The following MYRF variants were observed in gnomAD, a reference collection of about 807,000 sequenced individuals.
The protein encoded by MYRF is myelin regulatory factor.
In MYRF, 16 loss-of-function variants were observed where a neutral mutation model predicts 126.3. The observed-to-expected ratio is 0.13, with a 90% CI of 0.09 to 0.19. The LOEUF (loss-of-function observed/expected upper bound fraction) is 0.19, where lower values mean the gene tolerates loss of function less well. Among genes scored for constraint, MYRF ranks in the 10% least tolerant of loss-of-function variants. MYRF has a pLI of 1.00. For missense variants in MYRF, 1,104 were observed against 1,547.0 expected (o/e 0.71, Z 4.80); for synonymous variants, 608 against 635.3 (o/e 0.96, Z 0.65).
intron 1 of MYRF, chr11:61,753,974 C>A (rs520987): frequency 0.49 from 74,891 of 152,446 alleles, 18,734 homozygotes; most frequent in East Asian, 0.52. Flanking sequence ...ATGCAGCGAG[C>A]CCAGCCCCTG....
intron 1 of MYRF, chr11:61,755,767 A>G: frequency 1.7e-6 from 1 of 580,880 alleles, no homozygotes; most frequent in Admixed American, 2.2e-5. Flanking sequence ...CCTAGATTCT[A>G]GGGGCACATG....
At position 61,780,260 on chromosome 11, in the gene MYRF, G is replaced by A. The variant is rs754444143; in HGVS notation, c.2375G>A (p.Arg792His). The A allele has an allele frequency of 3.0e-5, 48 of 1,613,812 alleles. No homozygotes were observed. The Admixed American group carries it at 4.8e-4, about 16-fold the overall frequency. Residue 792 changes from arginine to histidine, a missense_variant, in exon 18 of 27, where the codon CGC (arginine) becomes CAC (histidine). Arg to His is a conservative substitution (Grantham distance 29, BLOSUM62 0). This residue lies in a region of MYRF where 323 missense variants were observed against 383.1 expected (regional missense o/e 0.84). Transcript: ENST00000278836. ...TCCACACTGTACGTGCTGAGCCTGC[G>A]CACAGAGGAGGACCTGGTAGACACT... is the stretch of plus-strand genomic sequence containing the variant. Reference protein sequence around the residue: ...SMSTLYVLSLRTEEDLVDTDG... With the variant: ...SMSTLYVLSLHTEEDLVDTDG...
Position 61,779,505 on chromosome 11 carries a change from G to T in MYRF, c.2182G>T (p.Gly728Trp). Residue 728 changes from glycine to tryptophan, a missense_variant, in exon 16 of 27, where the codon GGG (glycine) becomes TGG (tryptophan). Coordinates refer to ENST00000278836, the MANE Select transcript of MYRF (RefSeq NM_001127392.3). The part of the protein sequence containing the change: ...TGSSGAFSHA[G>W]SQFSRAGSVP... ...CTGGCCCTCTTGCTGCAGCCATGCA[G>T]GGAGCCAGTTCAGTCGGGCGGGCAG... 6.5e-7 allele frequency: 1 copy of T among 1,529,010 alleles called. No homozygotes were observed. The highest frequency in any genetic ancestry group is 2.3e-5 in the East Asian group (1 of 42,640). 94.7% of individuals were successfully genotyped at this position (1,529,010 alleles called of 1,614,324 possible).
chr11:61,756,653 A>G (rs1772598536), intron 1 of MYRF, among the ~76,000 whole-genome samples: 1 of 124,294 alleles, frequency 8.0e-6, no homozygotes, highest in African/African-American at 3.1e-5. Flanking sequence ...CTCCGGGTCA[A>G]TGGTGACAAC....
intron 25 of MYRF, chr11:61,785,573 G>A (rs2135907339): frequency 3.5e-6 from 2 of 576,954 alleles, no homozygotes; most frequent in Non-Finnish European, 6.3e-6. Context: ...CAGGGGCCAG[G>A]TGGAGGTGGC....
At position 61,771,541 on chromosome 11, in the gene MYRF, C is replaced by G. The variant is rs754453884; in HGVS notation, c.782C>G (p.Ser261Cys). ...TCCAAGAAGAGGAAGCACTCTGAAT[C>G]CCCCCCCAGCACCCTCAATGCCCAG... ...HPSKKRKHSESPPSTLNAQML... is the reference protein window; with the variant it reads ...HPSKKRKHSECPPSTLNAQML... Residue 261 changes from serine (S) to cysteine (C), a missense_variant, in exon 6 of 27, where the codon TCC (serine) becomes TGC (cysteine). By Grantham distance (112) the Ser-to-Cys change is moderately radical. Coordinates refer to ENST00000278836, the MANE Select transcript of MYRF (RefSeq NM_001127392.3). 7 of 1,611,860 alleles carry G rather than the reference C, an allele frequency of 4.3e-6. No individual in the cohort carries two copies. Among genetic ancestry groups the G allele is most frequent in the Non-Finnish European group, 5.9e-6 (7 of 1,178,732 alleles).
chr11:61,768,880 C>A (rs757436082), intron 3 of MYRF: 3 of 195,082 alleles, frequency 1.5e-5, no homozygotes, highest in Admixed American at 6.1e-5. Context: ...CCCTGAGGCC[C>A]AGCCCCCTAG....
At chr11:61,764,696 C>T (rs1294129260) in intron 1 of MYRF, among the ~76,000 whole-genome samples, 2 of 152,200 alleles carry the variant, frequency 1.3e-5, no homozygotes. Flanking sequence ...CTGGCTCCCC[C>T]TGCAAGGTGA....
chr11:61,753,593 C>T (rs935610383), intron 1 of MYRF, among the ~76,000 whole-genome samples: 1 of 151,546 alleles, frequency 6.6e-6, no homozygotes. Flanking sequence ...AGCACTATGT[C>T]CCCCCAACCC....
At chr11:61,784,065 G>A (rs2066625455) in intron 24 of MYRF, 140 bp downstream of exon 24, 1 of 1,127,538 alleles carries the variant, frequency 8.9e-7, no homozygotes, top group Non-Finnish European at 1.3e-6. Context: ...TGACTTCATT[G>A]CCTACTTCGT....
rs1281289209 is a variant in MYRF, at chr11:61,776,581, G to A, written c.1499+149G>A. On this transcript the variant is annotated intron_variant, in intron 10 of 26. Coordinates refer to ENST00000278836, the MANE Select transcript of MYRF (RefSeq NM_001127392.3). This position sits in a 1 kb window ranked among gnomAD's most constrained non-coding sequence, Gnocchi z 4.3. Reference sequence around the variant, plus strand: ...ATTTAGAGCCCTTCATTGACTTAAGGATGGGAAGAGCAGAAGCCTGGCTTC... The same window carrying A: ...ATTTAGAGCCCTTCATTGACTTAAGAATGGGAAGAGCAGAAGCCTGGCTTC... 2.6e-5 allele frequency: 20 copies of A among 764,148 alleles called. No homozygotes were observed. The highest frequency in any genetic ancestry group is 3.8e-5 in the Non-Finnish European group (18 of 470,332). The allele number at this position is 764,148 out of a possible 1,614,324, so 47.3% of individuals were successfully genotyped here. A position where few individuals can be genotyped will look rare whatever the true frequency, so the allele number is the denominator to read the frequency against.
rs760498618 is a variant in MYRF at position 61,777,247 on chromosome 11, G to A, written c.1591-17G>A. ...CTCCCTATCCCCCAGGACTGATCCA[G>A]CCCCAACTCGCGGTAGGCCTCCAAC... On this transcript the variant is annotated splice_polypyrimidine_tract_variant and intron_variant, in intron 11 of 26. Coordinates refer to ENST00000278836, the MANE Select transcript of MYRF (RefSeq NM_001127392.3). The surrounding 1 kb of genome is among the most constrained non-coding windows in gnomAD (Gnocchi z 8.8). 2 of 1,608,522 alleles carry A rather than the reference G, an allele frequency of 1.2e-6. No homozygotes were observed. The highest frequency in any genetic ancestry group is 1.7e-5 in the Admixed American group (1 of 59,994).
chr11:61,775,282 G>A (rs970483480), intron 8 of MYRF, among the ~76,000 whole-genome samples: 1 of 152,122 alleles, frequency 6.6e-6, no homozygotes, highest in Non-Finnish European at 1.5e-5. Context: ...GGCCTTGGGG[G>A]CCCTGCCCTC....
Position 61,783,799 on chromosome 11 carries a change from G to A in MYRF, c.3120-52G>A. On this transcript the variant is annotated intron_variant, in intron 23 of 26. Transcript: ENST00000278836. This position sits in a 1 kb window ranked among gnomAD's most constrained non-coding sequence, Gnocchi z 4.6. ...GGGGGCTGAGGAGTCCCTGGTGGGG[G>A]TGGGGGGTGGCAGGGTACCCTCAGG... is the stretch of plus-strand genomic sequence containing the variant. 6.5e-7 allele frequency: 1 copy of A among 1,532,848 alleles called. No individual in the cohort carries two copies. Among genetic ancestry groups the A allele is most frequent in the Non-Finnish European group, 8.9e-7 (1 of 1,128,198 alleles). The allele number at this position is 1,532,848 out of a possible 1,614,324, so 95.0% of individuals were successfully genotyped here.
At chr11:61,772,293 C>T (rs571015764) in intron 7 of MYRF, among the ~76,000 whole-genome samples, 5 of 152,270 alleles carry the variant, frequency 3.3e-5, no homozygotes, top group South Asian at 2.1e-4. Context: ...TGGGCCCTCC[C>T]GGCAGCCCCC....
At chr11:61,758,516 G>A (rs1295151277) in intron 1 of MYRF, among the ~76,000 whole-genome samples, 2 of 152,298 alleles carry the variant, frequency 1.3e-5, no homozygotes, top group East Asian at 1.9e-4. Context: ...GAGGAGGTGG[G>A]AGCTCTTCCT....
chr11:61,757,243 T>G lies in MYRF; in HGVS notation c.46+4453T>G, dbSNP rs1420080645. On this transcript the variant is annotated intron_variant, in intron 1 of 26. Transcript: ENST00000278836. This position sits in a 1 kb window ranked among gnomAD's most constrained non-coding sequence, Gnocchi z 4.7. The stretch of plus-strand genomic sequence containing the variant: ...CTCTTGGTTGGGTCTCGGGGTAGGA[T>G]GATGTAATGGTTCTGTGCATTCGCC... 2.2e-6 allele frequency: 1 copy of G among 456,502 alleles called. No individual in the cohort carries two copies. Among genetic ancestry groups the G allele is most frequent in the Non-Finnish European group, 4.4e-6 (1 of 226,916 alleles). The allele number at this position is 456,502 out of a possible 1,614,324, so 28.3% of individuals were successfully genotyped here.
At position 61,779,301 on chromosome 11, in the gene MYRF, G is replaced by A; in HGVS notation, c.2052G>A (p.Glu684=). 1 of 1,549,032 alleles carries A rather than the reference G, an allele frequency of 6.5e-7. No homozygotes were observed. Among genetic ancestry groups the A allele is most frequent in the Non-Finnish European group, 8.7e-7 (1 of 1,146,886 alleles). ...IFMENVGAVK[E]LCKLTDNLET... Reference sequence around the variant, plus strand: ...TGGAGAACGTAGGGGCCGTGAAGGAGCTGTGCAAGCTGACAGACAACCTGG... The same window carrying A: ...TGGAGAACGTAGGGGCCGTGAAGGAACTGTGCAAGCTGACAGACAACCTGG... The change falls in exon 15 of 27, where the codon GAG becomes GAA. Residue 684 remains glutamate (E), a synonymous_variant. Transcript: ENST00000278836.
At position 61,776,710 on chromosome 11, in the gene MYRF, T is replaced by A; in HGVS notation, c.1500-77T>A. 1.7e-6 allele frequency: 2 copies of A among 1,163,688 alleles called. No homozygotes were observed. Among genetic ancestry groups the A allele is most frequent in the Non-Finnish European group, 2.4e-6 (2 of 820,954 alleles). The allele number at this position is 1,163,688 out of a possible 1,614,324, so 72.1% of individuals were successfully genotyped here. On this transcript the variant is annotated intron_variant, in intron 10 of 26. Transcript: ENST00000278836. This position sits in a 1 kb window ranked among gnomAD's most constrained non-coding sequence, Gnocchi z 4.3. ...TCTGTAGGAGGGGGTGAGATGAACA[T>A]GCATCTGGCCAGGGAAAGGGTGGCC...
Sources: allele counts gnomAD v4.1 joint callset (sites outside exome capture counted in the v4.1 genomes callset), GRCh38; gene constraint gnomAD v4.1.1; regional missense constraint gnomAD v4.1.1; non-coding constraint Gnocchi (gnomAD v3.1); transcripts MANE v1.5; gene names NCBI Gene and HGNC (gene_info 2026-07-23, HGNC 2026-07-21).